PHACTR4: variants seen among roughly 807,000 people sequenced by gnomAD.
PHACTR4 encodes phosphatase and actin regulator 4, also known as protein phosphatase 1, regulatory subunit 124.
A neutral mutation model predicts 72.7 loss-of-function variants in PHACTR4; 51 were observed. The observed-to-expected ratio is 0.70, with a 90% confidence interval of 0.56 to 0.89. The LOEUF (loss-of-function observed/expected upper bound fraction) is 0.89. Among genes scored for constraint, PHACTR4 ranks in the 40% least tolerant of loss-of-function variants. The pLI is 0.00. For missense variants in PHACTR4, 731 were observed against 861.8 expected (o/e 0.85, Z 1.90); for synonymous variants, 255 against 302.5 (o/e 0.84, Z 1.63).
chr1:28,478,944 C>T (rs1660093953), intron 8 of PHACTR4, among the ~76,000 whole-genome samples: 1 of 152,146 alleles, frequency 6.6e-6, no homozygotes, highest in Admixed American at 6.6e-5. Context: ...TTTAAGGAAC[C>T]TCCATAGTGT....
At chr1:28,486,820 G>C (rs1660672614) in intron 9 of PHACTR4, among the ~76,000 whole-genome samples, 1 of 151,390 alleles carries the variant, frequency 6.6e-6, no homozygotes, top group Non-Finnish European at 1.5e-5. Context: ...GGTGGCGCCA[G>C]TGCACTCCAG....
At chr1:28,438,126 A>G (rs1447670514) in intron 2 of PHACTR4, 1 of 1,140,948 alleles carries the variant, frequency 8.8e-7, no homozygotes, top group Non-Finnish European at 1.1e-6. Flanking sequence ...AGCTCTACAC[A>G]GTGTGCATTC....
Position 28,473,992 on chromosome 1 carries a change from T to C in PHACTR4, c.1262T>C (p.Ile421Thr). 2 of 1,614,146 alleles carry C rather than the reference T, an allele frequency of 1.2e-6. No individual in the cohort carries two copies. The highest frequency in any genetic ancestry group is 1.7e-6 in the Non-Finnish European group (2 of 1,180,022). ...CCTCCACTCCCACTGCATATTCGAA[T>C]CCAGCAGGCCCTCACCAGCCCACTT... The part of the protein sequence containing the change: ...RLPPLPLHIR[I>T]QQALTSPLPM... The change falls in exon 7 of 14, where the codon ATC becomes ACC. Residue 421 changes from isoleucine to threonine, a missense_variant. Around this residue, in one of 2 missense-constraint regions of PHACTR4, gnomAD observed 621 missense variants for 676.6 expected, o/e 0.92. Transcript: ENST00000373839.
chr1:28,480,453 G>A lies in PHACTR4; in HGVS notation c.1609G>A (p.Ala537Thr). The A allele has an allele frequency of 1.2e-6, 2 of 1,613,826 alleles. No homozygotes were observed. The highest frequency in any genetic ancestry group is 1.7e-6 in the Non-Finnish European group (2 of 1,179,850). ...TTTTTTCTTCCCCGTGTGCAAAGGT[G>A]CTCTCGCCAACAAAGTGAAGAGGAA... is the stretch of plus-strand genomic sequence containing the variant. ...EEDEDESYQSALANKVKRKDT... is the reference protein window; with the variant it reads ...EEDEDESYQSTLANKVKRKDT... The change falls in exon 9 of 14, where the codon GCT (alanine) becomes ACT (threonine). Residue 537 changes from alanine to threonine, a missense_variant and splice_region_variant. Ala to Thr is a moderately conservative substitution (Grantham distance 58). Coordinates refer to ENST00000373839, the MANE Select transcript of PHACTR4 (RefSeq NM_001048183.3).
At chr1:28,459,805 A>G (rs373840081) in intron 3 of PHACTR4, among the ~76,000 whole-genome samples, 1 of 152,216 alleles carries the variant, frequency 6.6e-6, no homozygotes, top group Non-Finnish European at 1.5e-5. Context: ...ATAAGTATCT[A>G]TTGAGTGGTG....
chr1:28,389,368 T>C (rs1652816836), intron 1 of PHACTR4, among the ~76,000 whole-genome samples: 1 of 151,294 alleles, frequency 6.6e-6, no homozygotes. Flanking sequence ...ACCATACTGG[T>C]GAAGAAAAAA....
intron 8 of PHACTR4, 85 bp downstream of exon 8, chr1:28,476,376 T>C (rs1659920064): frequency 4.5e-6 from 6 of 1,341,728 alleles, no homozygotes; most frequent in African/African-American, 1.5e-5. Flanking sequence ...AAAAGAGATA[T>C]GGAAACAGGT....
At chr1:28,484,614 A>G (rs140196925) in intron 9 of PHACTR4, among the ~76,000 whole-genome samples, 140 of 151,664 alleles carry the variant, frequency 9.2e-4, no homozygotes, top group Admixed American at 1.5e-3. Flanking sequence ...ATGTCCATAT[A>G]TATATATGGA....
At chr1:28,449,679 C>T (rs190259429) in intron 2 of PHACTR4, among the ~76,000 whole-genome samples, 73 of 152,084 alleles carry the variant, frequency 4.8e-4, no homozygotes, top group African/African-American at 1.6e-3. Flanking sequence ...TGGTGAAACC[C>T]TGTCTCTACT....
intron 13 of PHACTR4, among the ~76,000 whole-genome samples, chr1:28,495,987 G>T (rs556376103): frequency 4.8e-4 from 72 of 148,960 alleles, no homozygotes; most frequent in African/African-American, 1.6e-3. Context: ...TACTGAGAAA[G>T]ATCAATTGAA....
chr1:28,482,717 CTCACTTGAGCCCAGGAGTT>C (rs1388050151), intron 9 of PHACTR4, among the ~76,000 whole-genome samples: 1 of 151,900 alleles, frequency 6.6e-6, no homozygotes, highest in Non-Finnish European at 1.5e-5. Flanking sequence ...AGGTGGGAGG[CTCACTTGAGCCCAGGAGTT>C]TCAGAGCAAC....
At chr1:28,386,457 T>C (rs1222486894) in intron 1 of PHACTR4, among the ~76,000 whole-genome samples, 3 of 152,164 alleles carry the variant, frequency 2.0e-5, no homozygotes, top group African/African-American at 7.2e-5. Context: ...CACCCACTGC[T>C]GTTTGAATCC....
chr1:28,474,766 C>T (rs549661933), intron 7 of PHACTR4, among the ~76,000 whole-genome samples: 1 of 151,950 alleles, frequency 6.6e-6, no homozygotes, highest in South Asian at 2.1e-4. Context: ...TGGTCTCGAA[C>T]TCCTGACCTC....
chr1:28,402,572 T>C (rs1305079537), intron 1 of PHACTR4, among the ~76,000 whole-genome samples: 1 of 152,152 alleles, frequency 6.6e-6, no homozygotes, highest in Non-Finnish European at 1.5e-5. Context: ...GATAACATAG[T>C]GAGACCCCGT....
chr1:28,374,109 A>G (rs941030771), intron 1 of PHACTR4, among the ~76,000 whole-genome samples: 3 of 152,202 alleles, frequency 2.0e-5, no homozygotes, highest in Non-Finnish European at 4.4e-5. Context: ...CATTGGTCCC[A>G]TTACTTTGTC....
At chr1:28,379,486 C>T (rs1651965758) in intron 1 of PHACTR4, among the ~76,000 whole-genome samples, 1 of 151,816 alleles carries the variant, frequency 6.6e-6, no homozygotes, top group African/African-American at 2.4e-5. Flanking sequence ...GTTGCCTAGG[C>T]TGGTCTTGAA....
chr1:28,393,944 C>T (rs1269004946), intron 1 of PHACTR4, among the ~76,000 whole-genome samples: 1 of 152,008 alleles, frequency 6.6e-6, no homozygotes, highest in Non-Finnish European at 1.5e-5. Context: ...AACTCCTGGG[C>T]TCAAGCAGTT....
At chr1:28,460,096 C>T (rs1051831742) in intron 3 of PHACTR4, 116 bp from the exon 4 acceptor site, 118 of 561,362 alleles carry the variant, frequency 2.1e-4, no homozygotes, top group Middle Eastern at 5.9e-4. Context: ...TATTTTCTTT[C>T]CTGAGAATAT....
chr1:28,469,901 CA>C (rs918858455), intron 6 of PHACTR4, among the ~76,000 whole-genome samples: 1 of 149,976 alleles, frequency 6.7e-6, no homozygotes, highest in Non-Finnish European at 1.5e-5. Flanking sequence ...ACTAAAAATA[CA>C]AAAAATGATC....
Sources: gnomAD v4.1 joint callset for allele counts (sites outside exome capture counted in the v4.1 genomes callset) on GRCh38, gnomAD v4.1.1 for gene constraint, gnomAD v4.1.1 regional missense constraint, MANE v1.5 for transcripts, NCBI Gene and HGNC (gene_info 2026-07-23, HGNC 2026-07-21) for gene names.